PLCB1: variants seen among roughly 807,000 people sequenced by gnomAD.
PLCB1 encodes phospholipase C beta 1, also known as 1-phosphatidylinositol 4,5-bisphosphate phosphodiesterase beta-1.
In PLCB1, 46 loss-of-function variants were observed where a neutral mutation model predicts 161.8. The observed-to-expected ratio is 0.28, with a 90% CI of 0.22 to 0.36. The LOEUF is 0.36. PLCB1 is among the 10% of genes least tolerant of loss of function. The probability of loss-of-function intolerance (pLI) is 1.00; values close to 1 mark genes in which losing one functional copy is unlikely to be tolerated. For synonymous variants in PLCB1, 517 were observed against 503.7 expected, an observed-to-expected ratio of 1.03 and a Z score of -0.35; for missense variants, 1,016 against 1,472.5, an observed-to-expected ratio of 0.69 and a Z score of 5.07.
At chr20:8,589,610 C>CTTTTT (rs71183102) in intron 3 of PLCB1, among the ~76,000 whole-genome samples, 18 of 80,122 alleles carry the variant, frequency 2.2e-4, no homozygotes, top group East Asian at 4.2e-4. Context: ...CAATCTCTCT[C>CTTTTT]TTTTTTTTTT....
chr20:8,500,539 A>G (rs1983363253), intron 3 of PLCB1, among the ~76,000 whole-genome samples: 1 of 152,226 alleles, frequency 6.6e-6, no homozygotes, highest in Non-Finnish European at 1.5e-5. Flanking sequence ...CTGTACCTGT[A>G]TCAAACAACT....
chr20:8,505,508 T>C (rs1983603144), intron 3 of PLCB1, among the ~76,000 whole-genome samples: 1 of 152,198 alleles, frequency 6.6e-6, no homozygotes, highest in Non-Finnish European at 1.5e-5. Context: ...ATAGAAAGAA[T>C]AGAGAAATAT....
chr20:8,418,679 AT>A (rs1979405409), intron 3 of PLCB1, among the ~76,000 whole-genome samples: 1 of 152,122 alleles, frequency 6.6e-6, no homozygotes, highest in African/African-American at 2.4e-5. Context: ...AAATCAAAAT[AT>A]TTACATTTAT....
At chr20:8,796,964 C>T (rs892808266) in intron 31 of PLCB1, among the ~76,000 whole-genome samples, 14 of 152,260 alleles carry the variant, frequency 9.2e-5, no homozygotes, top group African/African-American at 2.6e-4. Flanking sequence ...TCCTTTCATG[C>T]GGTCTACTGG....
At position 8,132,758 on chromosome 20, in the gene PLCB1, T is replaced by C. The variant is rs6086350; in HGVS notation, c.99+8T>C. On this transcript the variant is annotated splice_region_variant and intron_variant, in intron 1 of 31. Transcript: ENST00000338037. This position sits in a 1 kb window ranked among gnomAD's most constrained non-coding sequence, Gnocchi z 5.2. ...TTCGTCAAGTGGGATGATGTAAGTA[T>C]TGGGGCGGCCCGAGTCGGGGCGCTG... is the stretch of plus-strand genomic sequence containing the variant. 0.041 allele frequency: 66,131 copies of C among 1,598,996 alleles called. 1,616 individuals carry two copies. Among genetic ancestry groups the C allele is most frequent in the Middle Eastern group, 0.083 (499 of 6,012 alleles).
chr20:8,249,043 A>G (rs1371345259), intron 2 of PLCB1, among the ~76,000 whole-genome samples: 2 of 151,978 alleles, frequency 1.3e-5, no homozygotes, highest in East Asian at 3.9e-4. Context: ...AGAATTTAGA[A>G]GGAATTCTGA....
Position 8,523,496 on chromosome 20 carries a change from C to CTATA in PLCB1, c.247-104776_247-104773dup, listed in dbSNP as rs777011717. 4.3e-3 allele frequency among the ~76,000 whole-genome samples: 224 copies of CTATA among 51,612 alleles called. 10 individuals are homozygous for CTATA. Among genetic ancestry groups the CTATA allele is most frequent in the Middle Eastern group, 0.037 (3 of 82 alleles). 33.9% of individuals were successfully genotyped at this position (51,612 alleles called of 152,430 possible). ...TCTCTCTCTCTCTCTCTCTCTCTCT[C>CTATA]TATATATATATATATATATATATAT... On this transcript the variant is annotated intron_variant, in intron 3 of 31. Transcript: ENST00000338037.
intron 2 of PLCB1, among the ~76,000 whole-genome samples, chr20:8,156,346 A>C (rs2051562120): frequency 6.6e-6 from 1 of 152,208 alleles, no homozygotes; most frequent in South Asian, 2.1e-4. Flanking sequence ...AACTGGCTTG[A>C]AAATGTTCCC....
At chr20:8,138,174 A>G (rs1350887954) in intron 1 of PLCB1, among the ~76,000 whole-genome samples, 6 of 152,184 alleles carry the variant, frequency 3.9e-5, no homozygotes, top group African/African-American at 1.2e-4. Flanking sequence ...TAACACTAAT[A>G]TTTCCCCACC....
intron 9 of PLCB1, among the ~76,000 whole-genome samples, chr20:8,662,240 T>TTATTTATTATATAATTCTATATATAAG (rs1989679253): frequency 9.0e-6 from 1 of 111,422 alleles, no homozygotes; most frequent in African/African-American, 3.6e-5. Flanking sequence ...CTATATATAA[T>TTATTTATTATATAATTCTATATATAAG]TATTTATTAT....
chr20:8,845,325 AT>A lies in PLCB1; in HGVS notation c.3424-36295del, dbSNP rs368595078. Among the ~76,000 whole-genome samples the A allele has an allele frequency of 2.7e-3, 415 of 152,202 alleles. 3 individuals carry two copies. The highest frequency in any genetic ancestry group is 8.9e-3 in the African/African-American group (370 of 41,520). ...TTGCTTCATATAGTTTGAAGGTATA[AT>A]TATTGGGTGTATACATTTTTAGTAT... On this transcript the variant is annotated intron_variant, in intron 31 of 31. Transcript: ENST00000338037.
intron 2 of PLCB1, among the ~76,000 whole-genome samples, chr20:8,364,320 G>A (rs1986640032): frequency 6.6e-6 from 1 of 152,098 alleles, no homozygotes; most frequent in African/African-American, 2.4e-5. Context: ...AATAACATTG[G>A]GCCAAATACT....
intron 9 of PLCB1, among the ~76,000 whole-genome samples, chr20:8,673,471 C>T (rs1989999059): frequency 6.6e-6 from 1 of 152,184 alleles, no homozygotes; most frequent in African/African-American, 2.4e-5. Context: ...ATAAAACTTT[C>T]AATCTCTCTA....
At chr20:8,825,747 G>C (rs1985663048) in intron 31 of PLCB1, among the ~76,000 whole-genome samples, 1 of 152,198 alleles carries the variant, frequency 6.6e-6, no homozygotes. Context: ...GCAAATTAAA[G>C]GGTAGAAGGG....
chr20:8,303,886 A>G (rs571134843), intron 2 of PLCB1, among the ~76,000 whole-genome samples: 1 of 152,352 alleles, frequency 6.6e-6, no homozygotes, highest in East Asian at 1.9e-4. Context: ...GCTCCTGCAG[A>G]ACACAAGCCT....
chr20:8,784,789 C>T (rs1439038640), intron 27 of PLCB1, among the ~76,000 whole-genome samples: 1 of 152,160 alleles, frequency 6.6e-6, no homozygotes, highest in East Asian at 1.9e-4. Flanking sequence ...CATTAAGATG[C>T]TTTTTCCGGA....
At chr20:8,192,207 T>G (rs2051977454) in intron 2 of PLCB1, among the ~76,000 whole-genome samples, 1 of 152,042 alleles carries the variant, frequency 6.6e-6, no homozygotes, top group Admixed American at 6.6e-5. Flanking sequence ...AGCCTCTTCC[T>G]GAAGACTTTA....
At chr20:8,312,307 A>G (rs1984442076) in intron 2 of PLCB1, among the ~76,000 whole-genome samples, 1 of 151,970 alleles carries the variant, frequency 6.6e-6, no homozygotes, top group Non-Finnish European at 1.5e-5. Context: ...GGACTATCCC[A>G]TTCCCACAGT....
chr20:8,470,458 G>A (rs1982002906), intron 3 of PLCB1, among the ~76,000 whole-genome samples: 1 of 152,202 alleles, frequency 6.6e-6, no homozygotes, highest in African/African-American at 2.4e-5. Context: ...AGTAGTGGGT[G>A]TGAAATGGTA....
Sources: gnomAD v4.1 joint callset for allele counts (sites outside exome capture counted in the v4.1 genomes callset) on GRCh38, gnomAD v4.1.1 for gene constraint, Gnocchi (gnomAD v3.1) non-coding constraint, MANE v1.5 for transcripts, NCBI Gene and HGNC (gene_info 2026-07-23, HGNC 2026-07-21) for gene names.